SEC31A: variants seen among roughly 807,000 people sequenced by gnomAD.
The protein encoded by SEC31A is protein transport protein Sec31A.
Under a neutral mutation model 151.0 loss-of-function variants are expected in SEC31A, and 70 were observed. That is an observed-to-expected ratio of 0.46 (90% CI 0.38 to 0.57). The LOEUF is 0.57. SEC31A is among the 20% of genes least tolerant of loss of function. The pLI is 0.00. For missense variants in SEC31A, 1,330 were observed against 1,471.2 expected, an observed-to-expected ratio of 0.90 and a Z score of 1.57; for synonymous variants, 475 against 505.9, an observed-to-expected ratio of 0.94 and a Z score of 0.82.
chr4:82,851,941 T>C (rs1304255775), intron 18 of SEC31A, among the ~76,000 whole-genome samples: 1 of 152,228 alleles, frequency 6.6e-6, no homozygotes, highest in Non-Finnish European at 1.5e-5. Flanking sequence ...TTCTAGCCTG[T>C]ATGGGAGGAA....
At chr4:82,854,712 T>TAAAAAAA (rs79298254) in intron 17 of SEC31A, among the ~76,000 whole-genome samples, 191 bp downstream of exon 17, 1 of 140,308 alleles carries the variant, frequency 7.1e-6, no homozygotes. Context: ...CTAGTAGATT[T>TAAAAAAA]AAAAAAAAAA....
chr4:82,823,432 T>C (rs551714726), intron 25 of SEC31A, among the ~76,000 whole-genome samples: 9 of 152,358 alleles, frequency 5.9e-5, no homozygotes, highest in African/African-American at 1.9e-4. Flanking sequence ...CTAAGGTTTA[T>C]GTTAACTGCT....
At chr4:82,888,184 G>A (rs1030627880) in intron 1 of SEC31A, among the ~76,000 whole-genome samples, 2 of 145,652 alleles carry the variant, frequency 1.4e-5, no homozygotes, top group East Asian at 4.2e-4. Context: ...GGACCAGCCT[G>A]GCCAACATGG....
chr4:82,890,796 G>A, intron 1 of SEC31A: 1 of 1,286,204 alleles, frequency 7.8e-7, no homozygotes, highest in Non-Finnish European at 9.9e-7. Flanking sequence ...TCAAACTCCA[G>A]TTACCAGCCC....
In SEC31A at chr4:82,880,906, T is replaced by C. The variant is rs1739131276; in HGVS notation, c.96A>G (p.Gln32=). The part of the protein sequence containing the change: ...IYLATGTSAQ[Q]LDATFSTNAS... ...CATTCGTACTAAATGTTGCATCCAA[T>C]TGCTGAGCAGATGTTCCTATAGAAA... is the stretch of plus-strand genomic sequence containing the variant. Residue 32 remains glutamine, a synonymous_variant, in exon 3 of 27, where the codon CAA becomes CAG. Transcript: ENST00000395310. 6.2e-7 allele frequency: 1 copy of C among 1,609,676 alleles called. No individual in the cohort carries two copies. The highest frequency in any genetic ancestry group is 2.2e-5 in the East Asian group (1 of 44,818).
At chr4:82,823,700 A>G (rs536829249) in intron 25 of SEC31A, among the ~76,000 whole-genome samples, 1 of 152,366 alleles carries the variant, frequency 6.6e-6, no homozygotes, top group Non-Finnish European at 1.5e-5. Flanking sequence ...GTTGCTTTAA[A>G]TGTAAATATG....
intron 1 of SEC31A, 26 bp downstream of exon 1, chr4:82,891,062 G>C: frequency 3.9e-6 from 6 of 1,535,858 alleles, no homozygotes; most frequent in Non-Finnish European, 5.2e-6. Flanking sequence ...CCGGCGAAGA[G>C]GACAAAAAGC....
At chr4:82,821,149 C>G (rs1430861686) in intron 25 of SEC31A, 41 bp from the exon 26 acceptor site, 8 of 1,494,688 alleles carry the variant, frequency 5.4e-6, no homozygotes, top group Non-Finnish European at 7.5e-6. Flanking sequence ...TGAACATTAA[C>G]TTTTAACCTA....
chr4:82,823,883 A>T (rs1723971058), intron 25 of SEC31A, among the ~76,000 whole-genome samples: 2 of 152,186 alleles, frequency 1.3e-5, no homozygotes, highest in African/African-American at 4.8e-5. Context: ...TGTTGATGAG[A>T]GGCAGTATAG....
At chr4:82,849,029 G>A (rs1730838657) in intron 19 of SEC31A, 52 bp from the exon 20 acceptor site, 1 of 1,476,882 alleles carries the variant, frequency 6.8e-7, no homozygotes, top group Non-Finnish European at 9.3e-7. Flanking sequence ...CCAGGTATAT[G>A]ACAGCATGTT....
intron 22 of SEC31A, among the ~76,000 whole-genome samples, chr4:82,832,677 G>A (rs184393423): frequency 1.3e-5 from 2 of 152,272 alleles, no homozygotes; most frequent in African/African-American, 4.8e-5. Context: ...CTAATATCCA[G>A]AATCTACAAA....
intron 7 of SEC31A, 140 bp from the exon 8 acceptor site, chr4:82,870,564 G>A: frequency 1.5e-6 from 1 of 652,246 alleles, no homozygotes; most frequent in Admixed American, 2.7e-5. Flanking sequence ...CGGGCGCATT[G>A]GCTCACACCT....
At chr4:82,861,906 T>A (rs1472736607) in intron 13 of SEC31A, 198 bp from the exon 14 acceptor site, 5 of 67,380 alleles carry the variant, frequency 7.4e-5, no homozygotes, top group East Asian at 4.4e-4. Flanking sequence ...TTTCCCATTC[T>A]TTTTTTTTTT....
chr4:82,868,006 A>T (rs939262987), intron 8 of SEC31A, among the ~76,000 whole-genome samples: 6 of 152,264 alleles, frequency 3.9e-5, no homozygotes, highest in African/African-American at 1.2e-4. Flanking sequence ...AGACCCAAAC[A>T]ACAACCATAT....
chr4:82,887,290 GAC>G (rs1170508779), intron 1 of SEC31A, among the ~76,000 whole-genome samples: 2 of 151,716 alleles, frequency 1.3e-5, no homozygotes, highest in African/African-American at 4.8e-5. Flanking sequence ...AAAAGAAAGA[GAC>G]ACATTTATAA....
chr4:82,886,805 T>C (rs1740829236), intron 1 of SEC31A, among the ~76,000 whole-genome samples: 1 of 152,236 alleles, frequency 6.6e-6, no homozygotes, highest in Non-Finnish European at 1.5e-5. Flanking sequence ...AAACATTTTG[T>C]AACATTCTAC....
chr4:82,882,454 T>C (rs1482580231), intron 1 of SEC31A, among the ~76,000 whole-genome samples: 1 of 147,974 alleles, frequency 6.8e-6, no homozygotes, highest in Non-Finnish European at 1.5e-5. Flanking sequence ...TAAACCATTT[T>C]GAGACAAATA....
chr4:82,840,116 A>G (rs75115069), intron 22 of SEC31A, among the ~76,000 whole-genome samples: 2,374 of 152,326 alleles, frequency 0.016, 59 homozygotes, highest in African/African-American at 0.051. Context: ...ATCCTGAAAC[A>G]TAACTCCTAA....
chr4:82,895,579 A>C (rs1243238202), upstream of SEC31A: 1 of 152,244 alleles, frequency 6.6e-6, no homozygotes, highest in African/African-American at 2.4e-5. Flanking sequence ...AAGGAAAAGA[A>C]ATTTTTAATT....
Sources: allele counts gnomAD v4.1 joint callset (sites outside exome capture counted in the v4.1 genomes callset), GRCh38; gene constraint gnomAD v4.1.1; transcripts MANE v1.5; gene names NCBI Gene and HGNC (gene_info 2026-07-23, HGNC 2026-07-21).